Variants in IMMP1L observed in about 807,000 individuals in gnomAD.
IMMP1L encodes inner mitochondrial membrane peptidase subunit 1, also known as mitochondrial inner membrane protease subunit 1.
In IMMP1L, 24 loss-of-function variants were observed where a neutral mutation model predicts 21.8. The observed-to-expected ratio is 1.10, with a 90% CI of 0.80 to 1.55. The LOEUF (loss-of-function observed/expected upper bound fraction) is 1.55. Ranked by LOEUF, IMMP1L falls within the 40% of genes most tolerant of loss-of-function variation. The pLI is 0.00. For synonymous variants in IMMP1L, 46 were observed against 62.8 expected (o/e 0.73, Z 1.26); for missense variants, 195 against 200.7 (o/e 0.97, Z 0.17).
intron 1 of IMMP1L, among the ~76,000 whole-genome samples, chr11:31,471,804 A>C (rs534676047): frequency 6.6e-6 from 1 of 152,328 alleles, no homozygotes; most frequent in South Asian, 2.1e-4. Context: ...CCAACAAATT[A>C]CCATAAACTT....
intron 1 of IMMP1L, among the ~76,000 whole-genome samples, chr11:31,506,814 G>T (rs1955791924): frequency 6.6e-6 from 1 of 150,484 alleles, no homozygotes; most frequent in Non-Finnish European, 1.5e-5. Context: ...ACATAAATTA[G>T]CTGGGCATGG....
At chr11:31,442,882 T>C (rs1953385723) in intron 4 of IMMP1L, among the ~76,000 whole-genome samples, 2 of 152,170 alleles carry the variant, frequency 1.3e-5, no homozygotes, top group African/African-American at 4.8e-5. Context: ...GCAACGATAC[T>C]CTAGTCTCAA....
intron 4 of IMMP1L, among the ~76,000 whole-genome samples, chr11:31,453,775 G>A (rs892225097): frequency 2.6e-5 from 4 of 152,080 alleles, no homozygotes; most frequent in Admixed American, 2.6e-4. Context: ...AACCAATACT[G>A]CCCCTGATCA....
chr11:31,438,040 C>T (rs1265596601), intron 4 of IMMP1L, among the ~76,000 whole-genome samples: 6 of 152,052 alleles, frequency 3.9e-5, no homozygotes, highest in Admixed American at 3.9e-4. Flanking sequence ...GCACTGTGAA[C>T]ATTCATGTAC....
intron 1 of IMMP1L, 136 bp from the exon 2 acceptor site, chr11:31,463,441 T>G: frequency 2.7e-6 from 2 of 734,702 alleles, no homozygotes; most frequent in Non-Finnish European, 4.0e-6. Flanking sequence ...ACCAAGAGTT[T>G]GTTATCAGTT....
chr11:31,502,808 G>A (rs911371670), intron 1 of IMMP1L, among the ~76,000 whole-genome samples: 5 of 152,184 alleles, frequency 3.3e-5, no homozygotes, highest in Admixed American at 6.5e-5. Context: ...ACATACAAAT[G>A]TTGGGCCAGT....
intron 4 of IMMP1L, among the ~76,000 whole-genome samples, chr11:31,438,643 AGGT>A (rs1953206598): frequency 6.6e-6 from 1 of 152,184 alleles, no homozygotes; most frequent in Admixed American, 6.5e-5. Context: ...AGCTTTGATT[AGGT>A]ATGTGATCCA....
At chr11:31,475,231 A>G (rs1375121585) in intron 1 of IMMP1L, among the ~76,000 whole-genome samples, 1 of 152,238 alleles carries the variant, frequency 6.6e-6, no homozygotes, top group Non-Finnish European at 1.5e-5. Context: ...TAAGCAGTTG[A>G]TCATTTTAAT....
At chr11:31,473,035 TTTGTTG>T (rs1240626956) in intron 1 of IMMP1L, among the ~76,000 whole-genome samples, 6 of 151,040 alleles carry the variant, frequency 4.0e-5, no homozygotes, top group Admixed American at 1.3e-4. Flanking sequence ...ACGGCTAATT[TTTGTTG>T]TTGTTGTTGT....
chr11:31,494,210 G>T (rs747699330), intron 1 of IMMP1L, among the ~76,000 whole-genome samples: 3 of 152,214 alleles, frequency 2.0e-5, no homozygotes, highest in Non-Finnish European at 4.4e-5. Flanking sequence ...GGTCATCCAG[G>T]CATTTCCATA....
chr11:31,445,568 T>C (rs1209465035), intron 4 of IMMP1L, among the ~76,000 whole-genome samples: 2 of 152,236 alleles, frequency 1.3e-5, no homozygotes, highest in Admixed American at 1.3e-4. Flanking sequence ...ATGCATTTTT[T>C]TAAAAACAGG....
intron 4 of IMMP1L, among the ~76,000 whole-genome samples, chr11:31,442,626 A>G (rs991244569): frequency 6.6e-5 from 10 of 152,232 alleles, no homozygotes; most frequent in Admixed American, 5.9e-4. Context: ...TAGGGTTTGC[A>G]TTGGCCCTAC....
intron 1 of IMMP1L, among the ~76,000 whole-genome samples, chr11:31,483,528 T>C (rs1257933176): frequency 6.6e-6 from 1 of 152,008 alleles, no homozygotes; most frequent in Non-Finnish European, 1.5e-5. Context: ...CACCCTATTA[T>C]CTTCCCTTGA....
At chr11:31,468,547 A>G (rs1954440117) in intron 1 of IMMP1L, among the ~76,000 whole-genome samples, 1 of 152,166 alleles carries the variant, frequency 6.6e-6, no homozygotes, top group Non-Finnish European at 1.5e-5. Context: ...CTTCTAAAAA[A>G]CAAACACTTG....
At chr11:31,497,547 C>T (rs765644957) in intron 1 of IMMP1L, among the ~76,000 whole-genome samples, 101 of 151,484 alleles carry the variant, frequency 6.7e-4, no homozygotes, top group African/African-American at 1.3e-3. Flanking sequence ...CCGCAACCTC[C>T]GCCTCCTGGG....
At chr11:31,469,219 A>T (rs1954462432) in intron 1 of IMMP1L, among the ~76,000 whole-genome samples, 1 of 152,216 alleles carries the variant, frequency 6.6e-6, no homozygotes, top group African/African-American at 2.4e-5. Flanking sequence ...GATTGCATTC[A>T]ATCAAAGCAC....
chr11:31,495,973 A>C (rs941130207), intron 1 of IMMP1L, among the ~76,000 whole-genome samples: 1 of 152,198 alleles, frequency 6.6e-6, no homozygotes, highest in Non-Finnish European at 1.5e-5. Flanking sequence ...AAGAAATAAA[A>C]ATATATAAAC....
rs148536875 is a variant in IMMP1L at position 31,478,444 on chromosome 11, A to T, written c.-29-15139T>A. Among the ~76,000 whole-genome samples the T allele has an allele frequency of 4.4e-3, 674 of 152,334 alleles. 4 individuals are homozygous for T. Among genetic ancestry groups the T allele is most frequent in the African/African-American group, 0.015 (622 of 41,580 alleles). On this transcript the variant is annotated intron_variant, in intron 1 of 5. Coordinates refer to ENST00000532287, the MANE Select transcript of IMMP1L (RefSeq NM_001304274.2). ...TAGAAATTAACATCTTGTTTGCTGT[A>T]ATCTTGGATTACAATTGACTGTGTA...
At chr11:31,440,728 G>A (rs1953298237) in intron 4 of IMMP1L, among the ~76,000 whole-genome samples, 1 of 152,166 alleles carries the variant, frequency 6.6e-6, no homozygotes, top group South Asian at 2.1e-4. Flanking sequence ...ACAATATAAA[G>A]AGAATCATTT....
Sources: allele counts gnomAD v4.1 joint callset (sites outside exome capture counted in the v4.1 genomes callset), GRCh38; gene constraint gnomAD v4.1.1; transcripts MANE v1.5; gene names NCBI Gene and HGNC (gene_info 2026-07-23, HGNC 2026-07-21).